Variants in CHD8 observed in about 807,000 individuals in gnomAD.
The protein encoded by CHD8 is ATP-dependent chromatin remodeler CHD8.
A neutral mutation model predicts 279.2 loss-of-function variants in CHD8; 31 were observed. The observed-to-expected ratio is 0.11, with a 90% confidence interval of 0.08 to 0.15. The LOEUF (loss-of-function observed/expected upper bound fraction) is 0.15. CHD8 is among the 10% of genes least tolerant of loss of function. The pLI is 1.00. For synonymous variants in CHD8, 1,081 were observed against 1,139.6 expected (o/e 0.95, Z 1.04); for missense variants, 2,146 against 3,230.5 (o/e 0.66, Z 8.14).
At chr14:21,415,052 T>A (rs1424669209) in intron 7 of CHD8, 59 bp from the exon 8 acceptor site, 2 of 1,149,638 alleles carry the variant, frequency 1.7e-6, no homozygotes, top group African/African-American at 1.5e-5. Flanking sequence ...ATGAACTTTT[T>A]AATTTTAACC....
At position 21,405,311 on chromosome 14, in the gene CHD8, A is replaced by C. The variant is rs1284737987; in HGVS notation, c.3205T>G (p.Phe1069Val). The change falls in exon 16 of 38, where the codon TTC (phenylalanine) becomes GTC (valine). Residue 1069 changes from phenylalanine (F) to valine (V), a missense_variant. By Grantham distance (50) the Phe-to-Val change is conservative. This residue lies in a region of CHD8 where 18 missense variants were observed against 17.1 expected (regional missense o/e 1.05). Transcript: ENST00000646647. The surrounding 1 kb of genome is among the most constrained non-coding windows in gnomAD (Gnocchi z 4.2). ...CCTGCCCCTTTGGAAAGGAAGGAGA[A>C]ATTCTTCTCCAAAATAGCCCGATAG... The part of the protein sequence containing the change: ...KYYRAILEKN[F>V]SFLSKGAGHT... The C allele has an allele frequency of 9.9e-6, 16 of 1,611,438 alleles. No individual in the cohort carries two copies. Among genetic ancestry groups the C allele is most frequent in the Non-Finnish European group, 1.3e-5 (15 of 1,178,602 alleles).
chr14:21,411,961 G>A (rs540289572), intron 10 of CHD8, among the ~76,000 whole-genome samples: 1 of 151,990 alleles, frequency 6.6e-6, no homozygotes, highest in East Asian at 2.0e-4. Flanking sequence ...CTATTCAGGA[G>A]GCTGAGGCAT....
At chr14:21,410,136 G>T in intron 10 of CHD8, 148 bp from the exon 11 acceptor site, 2 of 640,846 alleles carry the variant, frequency 3.1e-6, no homozygotes, top group South Asian at 6.0e-5. Flanking sequence ...TCGACCAAAA[G>T]TTCACCTTCT....
chr14:21,430,540 G>A (rs1594378800), intron 2 of CHD8: 5 of 393,034 alleles, frequency 1.3e-5, no homozygotes, highest in Admixed American at 1.2e-4. Context: ...GGTGAGCTCT[G>A]TAAGGACAGG....
At chr14:21,447,664 G>A (rs757830454) in intron 1 of CHD8, among the ~76,000 whole-genome samples, 1 of 151,788 alleles carries the variant, frequency 6.6e-6, no homozygotes, top group Non-Finnish European at 1.5e-5. Flanking sequence ...GAGCCACTGC[G>A]CCCGGCCGGA....
chr14:21,425,171 TG>T (rs1159150945), intron 5 of CHD8, among the ~76,000 whole-genome samples: 5 of 152,072 alleles, frequency 3.3e-5, no homozygotes, highest in African/African-American at 1.2e-4. Flanking sequence ...GTCAGAATCC[TG>T]AAGTGTAGAA....
intron 37 of CHD8, among the ~76,000 whole-genome samples, chr14:21,387,796 A>T (rs1372483845): frequency 1.5e-5 from 2 of 132,184 alleles, no homozygotes; most frequent in Non-Finnish European, 3.1e-5. Context: ...ACAGAACGAG[A>T]CTCTGTCTCA....
Position 21,385,632 on chromosome 14 carries a change from C to T in CHD8, c.7727G>A (p.Ser2576Asn). The T allele has an allele frequency of 2.6e-6, 4 of 1,551,766 alleles. No individual in the cohort carries two copies. Among genetic ancestry groups the T allele is most frequent in the Non-Finnish European group, 3.5e-6 (4 of 1,146,920 alleles). Residue 2576 changes from serine to asparagine, a missense_variant, in exon 38 of 38, where the codon AGT becomes AAT. Physicochemically the swap from Ser to Asn is conservative, Grantham distance 46. Around this residue, in one of 26 missense-constraint regions of CHD8, gnomAD observed 336 missense variants for 392.9 expected, o/e 0.86. Transcript: ENST00000646647. ...DPMMPANSDSSEDADD is the reference protein window; with the variant it reads ...DPMMPANSDSNEDADD ...GGGGCTTCAGTCATCAGCATCTTCA[C>T]TGGAGTCTGAGTTAGCTGGCATCAT...
At chr14:21,398,912 A>G (rs1887909777) in intron 26 of CHD8, 1 of 311,846 alleles carries the variant, frequency 3.2e-6, no homozygotes. Context: ...GAGGCAGCCA[A>G]GCTGACATAG....
chr14:21,441,443 T>C (rs1192030451), intron 1 of CHD8, among the ~76,000 whole-genome samples: 1 of 152,176 alleles, frequency 6.6e-6, no homozygotes, highest in Non-Finnish European at 1.5e-5. Flanking sequence ...GTTCAAAAGA[T>C]AGTGATAGAA....
Position 21,426,149 on chromosome 14 carries a change from T to C in CHD8, c.1695A>G (p.Glu565=), listed in dbSNP as rs1889307696. The change falls in exon 5 of 38, where the codon GAA becomes GAG. Residue 565 remains glutamate, a synonymous_variant. Transcript: ENST00000646647. ...TTACCTGAATGCTGCTTTCTTCATCTTCTCGAGGTGACTGTGCAGGCATGA... is the reference window on the plus strand; with the variant it reads ...TTACCTGAATGCTGCTTTCTTCATCCTCTCGAGGTGACTGTGCAGGCATGA... ...VEVMPAQSPR[E]DEESSIQKRR... 1.9e-6 allele frequency: 3 copies of C among 1,607,610 alleles called. No homozygotes were observed. The highest frequency in any genetic ancestry group is 2.6e-6 in the Non-Finnish European group (3 of 1,174,726).
chr14:21,417,808 C>T (rs1008970425), intron 5 of CHD8, among the ~76,000 whole-genome samples: 21 of 146,166 alleles, frequency 1.4e-4, no homozygotes, highest in Admixed American at 5.5e-4. Context: ...GAGCCGAGAT[C>T]GCGCCACTGC....
At position 21,405,043 on chromosome 14, in the gene CHD8, G is replaced by C. The variant is rs142463842; in HGVS notation, c.3307+166C>G. The C allele has an allele frequency of 1.4e-5, 9 of 655,570 alleles. No individual in the cohort carries two copies. The African/African-American group carries it at 1.6e-4, about 12-fold the overall frequency. 40.6% of individuals were successfully genotyped at this position (655,570 alleles called of 1,614,324 possible). ...GGTGGGATTTCATCATGTTGCCCAG[G>C]CTTAGAGTCTCTTTTTTAAAAGGAG... On this transcript the variant is annotated intron_variant, in intron 16 of 37. Coordinates refer to ENST00000646647, the MANE Select transcript of CHD8 (RefSeq NM_001170629.2). This position sits in a 1 kb window ranked among gnomAD's most constrained non-coding sequence, Gnocchi z 4.2.
chr14:21,453,293 TA>T (rs1890303460), intron 1 of CHD8, among the ~76,000 whole-genome samples: 1 of 151,856 alleles, frequency 6.6e-6, no homozygotes, highest in Non-Finnish European at 1.5e-5. Context: ...CCGTCTCTAC[TA>T]AAAATACAGA....
At chr14:21,437,232 G>C (rs938272525) in intron 1 of CHD8, 19 of 1,184,942 alleles carry the variant, frequency 1.6e-5, no homozygotes, top group Non-Finnish European at 2.0e-5. Context: ...CCCTCTCCCT[G>C]TCTCTCCAGC....
chr14:21,416,243 AG>A (rs1888717892), intron 5 of CHD8: 1 of 201,906 alleles, frequency 5.0e-6, no homozygotes, highest in Admixed American at 5.9e-5. Context: ...CAAAAATGCA[AG>A]AAGATTTTGT....
intron 37 of CHD8, among the ~76,000 whole-genome samples, chr14:21,388,406 G>A (rs1342940971): frequency 6.6e-6 from 1 of 152,166 alleles, no homozygotes; most frequent in African/African-American, 2.4e-5. Flanking sequence ...TATTTATATT[G>A]TGTTAGGTAT....
chr14:21,427,374 G>A (rs1889368318), intron 4 of CHD8: 2 of 522,390 alleles, frequency 3.8e-6, no homozygotes, highest in Admixed American at 4.5e-5. Context: ...ACTCACTTGA[G>A]CTTACTCTTG....
At chr14:21,419,442 C>T (rs1012429865) in intron 5 of CHD8, among the ~76,000 whole-genome samples, 7 of 152,190 alleles carry the variant, frequency 4.6e-5, no homozygotes, top group African/African-American at 1.7e-4. Context: ...TGCCTGCAGT[C>T]TCAGCTACTC....
Sources: allele counts gnomAD v4.1 joint callset (sites outside exome capture counted in the v4.1 genomes callset), GRCh38; gene constraint gnomAD v4.1.1; regional missense constraint gnomAD v4.1.1; non-coding constraint Gnocchi (gnomAD v3.1); transcripts MANE v1.5; gene names NCBI Gene and HGNC (gene_info 2026-07-23, HGNC 2026-07-21).